Variants in ARHGAP24 observed in about 807,000 individuals in gnomAD.
ARHGAP24 encodes the protein rho GTPase-activating protein 24.
A neutral mutation model predicts 76.4 loss-of-function variants in ARHGAP24; 50 were observed. That is an observed-to-expected ratio of 0.65 (90% CI 0.52 to 0.83). The LOEUF (loss-of-function observed/expected upper bound fraction) is 0.83, where lower values mean the gene tolerates loss of function less well. ARHGAP24 is among the 40% of genes least tolerant of loss of function. ARHGAP24 has a pLI of 0.00. For synonymous variants in ARHGAP24, 345 were observed against 323.3 expected (o/e 1.07, Z -0.72); for missense variants, 930 against 914.2 (o/e 1.02, Z -0.22).
chr4:85,491,031 CA>C (rs1299267804), intron 1 of ARHGAP24, among the ~76,000 whole-genome samples: 1 of 152,084 alleles, frequency 6.6e-6, no homozygotes, highest in Non-Finnish European at 1.5e-5. Flanking sequence ...GTTATTTAAG[CA>C]AGATTGAATC....
Position 85,511,051 on chromosome 4 carries a change from C to A in ARHGAP24, c.-21+35492C>A, listed in dbSNP as rs367625381. On this transcript the variant is annotated intron_variant, in intron 1 of 9. Coordinates refer to ENST00000395184, the MANE Select transcript of ARHGAP24 (RefSeq NM_001025616.3). Reference sequence around the variant, plus strand: ...CCATCTAACGGCCACCCATAAAATACAAAGAATCCTTTTTGAAAATGAAAA... The same window carrying A: ...CCATCTAACGGCCACCCATAAAATAAAAAGAATCCTTTTTGAAAATGAAAA... 2.8e-4 allele frequency among the ~76,000 whole-genome samples: 42 copies of A among 152,216 alleles called. No individual in the cohort carries two copies. In the East Asian group the frequency reaches 7.5e-3, roughly 27 times the overall value.
At chr4:85,764,804 C>T (rs1461400961) in intron 3 of ARHGAP24, among the ~76,000 whole-genome samples, 2 of 152,054 alleles carry the variant, frequency 1.3e-5, no homozygotes, top group South Asian at 2.1e-4. Context: ...ATCTCCTCTT[C>T]GTTACTGTAA....
intron 5 of ARHGAP24, among the ~76,000 whole-genome samples, chr4:85,957,884 T>C (rs1738015712): frequency 6.6e-6 from 1 of 151,832 alleles, no homozygotes; most frequent in Admixed American, 6.5e-5. Context: ...TGCATCATGT[T>C]TTACTCTGTG....
chr4:85,660,932 C>A lies in ARHGAP24; in HGVS notation c.181-60953C>A, dbSNP rs545413752. On this transcript the variant is annotated intron_variant, in intron 2 of 9. Transcript: ENST00000395184. The stretch of plus-strand genomic sequence containing the variant: ...GAGACTTTCAGTTCATCTTCACTTA[C>A]ACCACTTTCATTAAAACTTCAGAAA... 4.6e-5 allele frequency among the ~76,000 whole-genome samples: 7 copies of A among 151,798 alleles called. No homozygotes were observed. The South Asian group carries it at 1.3e-3, about 27-fold the overall frequency.
chr4:85,639,519 A>T (rs1341378548), intron 2 of ARHGAP24, among the ~76,000 whole-genome samples: 1 of 152,170 alleles, frequency 6.6e-6, no homozygotes, highest in Non-Finnish European at 1.5e-5. Context: ...TCTCAGAGTT[A>T]GCTCCAAGAT....
chr4:85,718,597 A>G (rs1724817859), intron 2 of ARHGAP24, among the ~76,000 whole-genome samples: 1 of 152,142 alleles, frequency 6.6e-6, no homozygotes. Flanking sequence ...CAAGTTAGCT[A>G]TTTCAGTTAA....
At chr4:85,883,963 C>CA (rs1560694534) in intron 3 of ARHGAP24, among the ~76,000 whole-genome samples, 2 of 151,938 alleles carry the variant, frequency 1.3e-5, no homozygotes, top group South Asian at 2.1e-4. Context: ...AGAACAACAA[C>CA]AAAAAAATCA....
chr4:85,919,950 A>G (rs754975506), intron 3 of ARHGAP24, among the ~76,000 whole-genome samples: 5 of 152,200 alleles, frequency 3.3e-5, no homozygotes, highest in African/African-American at 4.8e-5. Context: ...TTATTGTGCC[A>G]TTTAGTTACT....
At chr4:85,771,689 T>A (rs1301305319) in intron 3 of ARHGAP24, among the ~76,000 whole-genome samples, 2 of 152,166 alleles carry the variant, frequency 1.3e-5, no homozygotes, top group East Asian at 3.9e-4. Context: ...TCTATACCTC[T>A]TTTTTTGTTT....
At chr4:85,743,056 T>C (rs1725883755) in intron 3 of ARHGAP24, among the ~76,000 whole-genome samples, 1 of 152,046 alleles carries the variant, frequency 6.6e-6, no homozygotes, top group Non-Finnish European at 1.5e-5. Flanking sequence ...AGATCTCAGT[T>C]AAAATGAGAG....
chr4:85,949,387 G>A (rs995860940), intron 5 of ARHGAP24, among the ~76,000 whole-genome samples: 1 of 152,210 alleles, frequency 6.6e-6, no homozygotes. Flanking sequence ...AGTGGGCAAT[G>A]CTCGGCAGAA....
intron 3 of ARHGAP24, among the ~76,000 whole-genome samples, chr4:85,755,363 A>G (rs1726436532): frequency 6.6e-6 from 1 of 152,084 alleles, no homozygotes; most frequent in South Asian, 2.1e-4. Context: ...ATGAGGTTAG[A>G]CACCAGAATT....
At chr4:85,883,805 CT>C (rs1286915065) in intron 3 of ARHGAP24, among the ~76,000 whole-genome samples, 1 of 152,014 alleles carries the variant, frequency 6.6e-6, no homozygotes, top group Non-Finnish European at 1.5e-5. Context: ...TTTATTTTTT[CT>C]TTCATTTGGG....
At chr4:85,805,711 T>C (rs1728758526) in intron 3 of ARHGAP24, among the ~76,000 whole-genome samples, 1 of 152,214 alleles carries the variant, frequency 6.6e-6, no homozygotes, top group African/African-American at 2.4e-5. Context: ...TTCGGATTTT[T>C]CCTTTGGCCT....
At chr4:85,521,904 A>G (rs1340421817) in intron 1 of ARHGAP24, among the ~76,000 whole-genome samples, 2 of 152,152 alleles carry the variant, frequency 1.3e-5, no homozygotes, top group African/African-American at 2.4e-5. Flanking sequence ...ATAAGCTGGT[A>G]TGTTAGAAAG....
Position 85,946,049 on chromosome 4 carries a change from G to A in ARHGAP24, c.599+3776G>A, listed in dbSNP as rs549318092. ...CAAGTCGCATCTTATGTGGATGGCG[G>A]CAGGCAAAAAGAGAGAGCTTATGCA... is the stretch of plus-strand genomic sequence containing the variant. On this transcript the variant is annotated intron_variant, in intron 5 of 9. Transcript: ENST00000395184. Among the ~76,000 whole-genome samples the A allele has an allele frequency of 2.6e-4, 39 of 152,158 alleles. No individual in the cohort carries two copies. The South Asian group carries it at 6.4e-3, about 25-fold the overall frequency.
chr4:85,733,612 T>C (rs984116588), intron 3 of ARHGAP24, among the ~76,000 whole-genome samples: 2 of 152,046 alleles, frequency 1.3e-5, no homozygotes, highest in Admixed American at 6.5e-5. Flanking sequence ...GCAACAGAAA[T>C]GTATTTTCTC....
At chr4:85,889,403 T>G (rs1413228200) in intron 3 of ARHGAP24, among the ~76,000 whole-genome samples, 2 of 152,232 alleles carry the variant, frequency 1.3e-5, no homozygotes, top group Non-Finnish European at 2.9e-5. Flanking sequence ...GTAATTAATA[T>G]TTACAGATTA....
rs149758815 is a variant in ARHGAP24 at position 85,544,709 on chromosome 4, T to C, written c.-20-25813T>C. ...ATATATACACACATACATATATATA[T>C]ACACATACATATATGTAAATTTTTT... On this transcript the variant is annotated intron_variant, in intron 1 of 9. Coordinates refer to ENST00000395184, the MANE Select transcript of ARHGAP24 (RefSeq NM_001025616.3). Among the ~76,000 whole-genome samples, 26 of 152,206 alleles carry C rather than the reference T, an allele frequency of 1.7e-4. No homozygotes were observed. The East Asian group carries it at 2.5e-3, about 15-fold the overall frequency.
Sources: allele counts gnomAD v4.1 joint callset (sites outside exome capture counted in the v4.1 genomes callset), GRCh38; gene constraint gnomAD v4.1.1; transcripts MANE v1.5; gene names NCBI Gene and HGNC (gene_info 2026-07-23, HGNC 2026-07-21).